Variants in ZNF229 observed in about 807,000 individuals in gnomAD.
ZNF229 encodes the protein zinc finger protein 229.
Under a neutral mutation model 11.8 loss-of-function variants are expected in ZNF229, and 10 were observed. The ratio of observed to expected loss-of-function variants is 0.85; its 90% CI spans 0.52 to 1.44. The LOEUF (loss-of-function observed/expected upper bound fraction) is 1.44, where lower values mean the gene tolerates loss of function less well. ZNF229 is among the 40% of genes most tolerant of loss of function. ZNF229 has a pLI of 0.00. For synonymous variants in ZNF229, 368 were observed against 374.8 expected, an observed-to-expected ratio of 0.98 and a Z score of 0.21; for missense variants, 1,045 against 1,015.1, an observed-to-expected ratio of 1.03 and a Z score of -0.40.
At position 44,428,416 on chromosome 19, in the gene ZNF229, C is replaced by T; in HGVS notation, c.2365G>A (p.Val789Ile). 1 of 1,614,024 alleles carries T rather than the reference C, an allele frequency of 6.2e-7. No individual in the cohort carries two copies. The highest frequency in any genetic ancestry group is 8.5e-7 in the Non-Finnish European group (1 of 1,180,012). Reference protein sequence around the residue: ...RNSCLHVHQRVHTGEKPYTCG... With the variant: ...RNSCLHVHQRIHTGEKPYTCG... ...GTATAGGGCTTCTCTCCAGTGTGGA[C>T]TCTCTGATGAACATGAAGACAGGAG... is the stretch of plus-strand genomic sequence containing the variant. Residue 789 changes from valine (V) to isoleucine (I), a missense_variant, in exon 6 of 6, where the codon GTC (valine) becomes ATC (isoleucine). Transcript: ENST00000614049.
Position 44,428,212 on chromosome 19 carries a change from C to T in ZNF229, c.*91G>A, listed in dbSNP as rs1303318275. 7.1e-6 allele frequency: 10 copies of T among 1,407,016 alleles called. No individual in the cohort carries two copies. The highest frequency in any genetic ancestry group is 8.7e-6 in the Non-Finnish European group (9 of 1,036,580). The allele number at this position is 1,407,016 out of a possible 1,614,324, so 87.2% of individuals were successfully genotyped here. Reference sequence around the variant, plus strand: ...AATCATCAGTTTCTCCTATAGCCCTCCTACATGTCACTTTCCTATGGTTTT... The same window carrying T: ...AATCATCAGTTTCTCCTATAGCCCTTCTACATGTCACTTTCCTATGGTTTT... On this transcript the variant is annotated 3_prime_UTR_variant, in exon 6 of 6. Coordinates refer to ENST00000614049, the MANE Select transcript of ZNF229 (RefSeq NM_014518.4).
intron 4 of ZNF229, among the ~76,000 whole-genome samples, chr19:44,436,133 G>C (rs1971809045): frequency 6.6e-6 from 1 of 152,214 alleles, no homozygotes; most frequent in African/African-American, 2.4e-5. Context: ...TGTTGGCCCG[G>C]ACTCGGACAT....
At position 44,426,524 on chromosome 19, in the gene ZNF229, A is replaced by G. The variant is rs527784673; in HGVS notation, c.*1779T>C. The G allele has an allele frequency of 3.9e-5, 6 of 152,266 alleles. No homozygotes were observed. Among genetic ancestry groups the G allele is most frequent in the African/African-American group, 1.2e-4 (5 of 41,524 alleles). The allele number at this position is 152,266 out of a possible 1,614,324, so 9.4% of individuals were successfully genotyped here. The stretch of plus-strand genomic sequence containing the variant: ...GGGGTCATGCTATAATTGTTGTTCT[A>G]AAACTCTCCTGGTTCACTAAATACT... On this transcript the variant is annotated 3_prime_UTR_variant, in exon 6 of 6. Transcript: ENST00000614049.
Position 44,445,944 on chromosome 19 carries a change from T to C in ZNF229, c.-178+1569A>G, listed in dbSNP as rs574862941. Among the ~76,000 whole-genome samples the C allele has an allele frequency of 4.3e-4, 65 of 152,340 alleles. 1 individual carries two copies. In the South Asian group the frequency reaches 0.012, roughly 29 times the overall value. On this transcript the variant is annotated intron_variant, in intron 2 of 5. Transcript: ENST00000614049. ...TTAGTAATTTGGGTGCTAAGGACTA[T>C]GCTGGCTGTGTTGGGACCCAAGAGT...
chr19:44,428,930 G>C lies in ZNF229; in HGVS notation c.1851C>G (p.Ile617Met), dbSNP rs775442005. 24 of 1,612,688 alleles carry C rather than the reference G, an allele frequency of 1.5e-5. 1 individual carries two copies. In the East Asian group the frequency reaches 5.1e-4, roughly 35 times the overall value. Residue 617 changes from isoleucine (I) to methionine (M), a missense_variant, in exon 6 of 6, where the codon ATC (isoleucine) becomes ATG (methionine). Ile to Met is a conservative substitution (Grantham distance 10, BLOSUM62 1). Coordinates refer to ENST00000614049, the MANE Select transcript of ZNF229 (RefSeq NM_014518.4). ...KGFIYSSDLL[I>M]HQRVHTGEKP... ...TCTCTCCAGTGTGGACCCTCTGATG[G>C]ATAAGGAGGTCGGAGCTGTAGATGA...
intron 5 of ZNF229, chr19:44,432,009 G>C (rs1439921076): frequency 1.1e-6 from 1 of 946,490 alleles, no homozygotes; most frequent in African/African-American, 1.7e-5. Flanking sequence ...CTGACAGAGG[G>C]TCCTCACCAG....
chr19:44,427,680 G>A lies in ZNF229; in HGVS notation c.*623C>T, dbSNP rs1028973108. The stretch of plus-strand genomic sequence containing the variant: ...TGGAAAGAAGACATATTTCTGTAGT[G>A]TACTACAACTCCTCTGAAAGCTGTA... On this transcript the variant is annotated 3_prime_UTR_variant, in exon 6 of 6. Coordinates refer to ENST00000614049, the MANE Select transcript of ZNF229 (RefSeq NM_014518.4). The A allele has an allele frequency of 3.3e-5, 5 of 152,180 alleles. No individual in the cohort carries two copies. The highest frequency in any genetic ancestry group is 1.2e-4 in the African/African-American group (5 of 41,342). 9.4% of individuals were successfully genotyped at this position (152,180 alleles called of 1,614,324 possible). A position where few individuals can be genotyped will look rare whatever the true frequency, so the allele number is the denominator to read the frequency against.
At chr19:44,440,866 G>A (rs1399570363) in intron 4 of ZNF229, among the ~76,000 whole-genome samples, 1 of 151,868 alleles carries the variant, frequency 6.6e-6, no homozygotes, top group East Asian at 1.9e-4. Flanking sequence ...TGGGACTATA[G>A]GAATGCACCA....
Position 44,430,414 on chromosome 19 carries a change from T to C in ZNF229, c.367A>G (p.Arg123Gly), listed in dbSNP as rs756075084. 5 of 1,614,158 alleles carry C rather than the reference T, an allele frequency of 3.1e-6. No individual in the cohort carries two copies. Among genetic ancestry groups the C allele is most frequent in the South Asian group, 1.1e-5 (1 of 91,090 alleles). ...AGELPGSQDCRVNLQGKDFQF... is the reference protein window; with the variant it reads ...AGELPGSQDCGVNLQGKDFQF... ...AAGTCTTTTCCTTGCAGATTTACTCTACAGTCTTGGCTCCCAGGTAATTCA... is the reference window on the plus strand; with the variant it reads ...AAGTCTTTTCCTTGCAGATTTACTCCACAGTCTTGGCTCCCAGGTAATTCA... The change falls in exon 6 of 6, where the codon AGA (arginine) becomes GGA (glycine). Residue 123 changes from arginine to glycine, a missense_variant. Coordinates refer to ENST00000614049, the MANE Select transcript of ZNF229 (RefSeq NM_014518.4).
At chr19:44,447,267 C>G (rs546453335) in intron 2 of ZNF229, among the ~76,000 whole-genome samples, 41 of 145,370 alleles carry the variant, frequency 2.8e-4, no homozygotes, top group African/African-American at 9.7e-4. Context: ...TTATTTCTAC[C>G]CTGCGTTTCT....
At chr19:44,442,125 T>TC (rs5828197) in intron 4 of ZNF229, among the ~76,000 whole-genome samples, 17,639 of 149,834 alleles carry the variant, frequency 0.12, 1,150 homozygotes, top group East Asian at 0.28. Context: ...AATATGTTTT[T>TC]CTTTTTTTAA....
At chr19:44,441,659 T>G (rs1971911459) in intron 4 of ZNF229, among the ~76,000 whole-genome samples, 1 of 152,196 alleles carries the variant, frequency 6.6e-6, no homozygotes, top group East Asian at 1.9e-4. Flanking sequence ...TATCACTATA[T>G]GTGTGTGTAC....
At position 44,428,570 on chromosome 19, in the gene ZNF229, C is replaced by A. The variant is rs367681110; in HGVS notation, c.2211G>T (p.Glu737Asp). Residue 737 changes from glutamate (E) to aspartate (D), a missense_variant, in exon 6 of 6, where the codon GAG becomes GAT. Transcript: ENST00000614049. ...LLSHKRVHTG[E>D]KPYRCHVCGK... Reference sequence around the variant, plus strand: ...CACACACGTGGCATCTGTATGGCTTCTCGCCAGTGTGCACTCTCTTATGAC... The same window carrying A: ...CACACACGTGGCATCTGTATGGCTTATCGCCAGTGTGCACTCTCTTATGAC... 1.9e-6 allele frequency: 3 copies of A among 1,613,680 alleles called. No homozygotes were observed. The highest frequency in any genetic ancestry group is 2.7e-5 in the African/African-American group (2 of 74,852).
chr19:44,431,609 C>T (rs115895273), intron 5 of ZNF229, among the ~76,000 whole-genome samples: 2,578 of 152,108 alleles, frequency 0.017, 64 homozygotes, highest in African/African-American at 0.057. Flanking sequence ...AGGAACTGAA[C>T]GGAAGAAATG....
At chr19:44,432,424 C>T (rs1444692645) in intron 4 of ZNF229, 58 bp from the exon 5 acceptor site, 1 of 1,592,890 alleles carries the variant, frequency 6.3e-7, no homozygotes, top group Admixed American at 1.9e-5. Flanking sequence ...CTGGTGTCCA[C>T]AGAGCAGGTT....
In ZNF229 at chr19:44,438,948, A is replaced by C. The variant is rs148163906; in HGVS notation, c.93+3615T>G. ...TGTGAGCTGCTCTAGCAAATTAATC[A>C]AACCCAAAGAGTGGGTTGTGGGAAC... On this transcript the variant is annotated intron_variant, in intron 4 of 5. Transcript: ENST00000614049. Among the ~76,000 whole-genome samples, 7 of 152,318 alleles carry C rather than the reference A, an allele frequency of 4.6e-5. No homozygotes were observed. In the East Asian group the frequency reaches 1.3e-3, roughly 29 times the overall value.
Position 44,431,456 on chromosome 19 carries a change from C to A in ZNF229, c.238+766G>T, listed in dbSNP as rs532292822. On this transcript the variant is annotated intron_variant, in intron 5 of 5. Transcript: ENST00000614049. The stretch of plus-strand genomic sequence containing the variant: ...AGAAAGTGAGAAATTCATCTGAGGA[C>A]TCTCAATATTCTGGGACAGTCTCTG... Among the ~76,000 whole-genome samples the A allele has an allele frequency of 1.9e-3, 288 of 152,194 alleles. 2 individuals carry two copies. The highest frequency in any genetic ancestry group is 3.2e-3 in the Non-Finnish European group (220 of 68,022).
rs114223588 is a variant in ZNF229 at position 44,434,513 on chromosome 19, G to A, written c.94-2147C>T. 6.8e-3 allele frequency among the ~76,000 whole-genome samples: 1,034 copies of A among 151,836 alleles called. 11 individuals are homozygous for A. Among genetic ancestry groups the A allele is most frequent in the African/African-American group, 0.023 (962 of 41,088 alleles). ...ACGAATGGTGGCCTGTGTTTTTAAA[G>A]CTAATTGTTCCAGTTCAGTGAGAAT... is the stretch of plus-strand genomic sequence containing the variant. On this transcript the variant is annotated intron_variant, in intron 4 of 5. Coordinates refer to ENST00000614049, the MANE Select transcript of ZNF229 (RefSeq NM_014518.4).
At position 44,446,873 on chromosome 19, in the gene ZNF229, T is replaced by G. The variant is rs35660276; in HGVS notation, c.-178+640A>C. 1.1e-4 allele frequency among the ~76,000 whole-genome samples: 16 copies of G among 152,042 alleles called. No homozygotes were observed. The East Asian group carries it at 1.9e-3, about 18-fold the overall frequency. ...ATGTAGGTGCTATCAGGTGAACATA[T>G]GTGGCAGCTGTGGAAAGAGCAACAT... On this transcript the variant is annotated intron_variant, in intron 2 of 5. Coordinates refer to ENST00000614049, the MANE Select transcript of ZNF229 (RefSeq NM_014518.4).
Sources: gnomAD v4.1 joint callset for allele counts (sites outside exome capture counted in the v4.1 genomes callset) on GRCh38, gnomAD v4.1.1 for gene constraint, MANE v1.5 for transcripts, NCBI Gene and HGNC (gene_info 2026-07-23, HGNC 2026-07-21) for gene names.